The following ADGRA2 variants were observed in gnomAD, a reference collection of about 807,000 sequenced individuals.
The protein encoded by ADGRA2 is G-protein coupled receptor 124.
ADGRA2 carries 61 observed loss-of-function variants against 98.7 expected under a neutral mutation model. That is an observed-to-expected ratio of 0.62 (90% CI 0.50 to 0.76). ADGRA2 has a LOEUF of 0.76. Ranked by LOEUF, ADGRA2 falls within the 30% of genes least tolerant of loss-of-function variation. The probability of loss-of-function intolerance (pLI) is 0.00; values close to 1 mark genes in which losing one functional copy is unlikely to be tolerated. For synonymous variants in ADGRA2, 858 were observed against 831.5 expected (o/e 1.03, Z -0.55); for missense variants, 1,712 against 1,860.0 (o/e 0.92, Z 1.46).
In ADGRA2 at chr8:37,839,524, T is replaced by G. The variant is rs1427226768; in HGVS notation, c.2413T>G (p.Trp805Gly). ...CTCCATCCGTGTGTCCCGGAAAGGC[T>G]GGCACATGCTGCTGAACTTGTGCTT... Reference protein sequence around the residue: ...HSSIRVSRKGWHMLLNLCFHI... With the variant: ...HSSIRVSRKGGHMLLNLCFHI... Residue 805 changes from tryptophan (W) to glycine (G), a missense_variant, in exon 16 of 19, where the codon TGG becomes GGG. By Grantham distance (184) the Trp-to-Gly change is radical. Coordinates refer to ENST00000412232, the MANE Select transcript of ADGRA2 (RefSeq NM_032777.10). 9 of 1,614,062 alleles carry G rather than the reference T, an allele frequency of 5.6e-6. No individual in the cohort carries two copies. Among genetic ancestry groups the G allele is most frequent in the Non-Finnish European group, 6.8e-6 (8 of 1,180,032 alleles).
intron 3 of ADGRA2, 29 bp downstream of exon 3, chr8:37,828,988 C>A: frequency 6.8e-7 from 1 of 1,480,992 alleles, no homozygotes; most frequent in Non-Finnish European, 9.1e-7. Flanking sequence ...CCTGACCCCA[C>A]CCCTCCCCTC....
rs1210217325 is a variant in ADGRA2, at chr8:37,797,595, C to A, written c.266+61C>A. On this transcript the variant is annotated intron_variant, in intron 1 of 18. Transcript: ENST00000412232. This position sits in a 1 kb window ranked among gnomAD's most constrained non-coding sequence, Gnocchi z 5.3. ...GGACTGGGGACGAAGGGAGGCGAGA[C>A]GGGAGGGGTGGGAGCAGGGGGAAGG... 1.3e-6 allele frequency: 1 copy of A among 793,192 alleles called. No homozygotes were observed. Among genetic ancestry groups the A allele is most frequent in the Non-Finnish European group, 1.6e-6 (1 of 614,176 alleles). The allele number at this position is 793,192 out of a possible 1,614,324, so 49.1% of individuals were successfully genotyped here.
At chr8:37,805,312 G>C (rs754665007) in intron 1 of ADGRA2, among the ~76,000 whole-genome samples, 42 of 152,236 alleles carry the variant, frequency 2.8e-4, no homozygotes, top group Non-Finnish European at 5.9e-4. Context: ...CCTGGAGACA[G>C]GTACCAGCTT....
intron 1 of ADGRA2, among the ~76,000 whole-genome samples, chr8:37,798,551 T>A (rs1804410537): frequency 6.6e-6 from 1 of 152,174 alleles, no homozygotes; most frequent in African/African-American, 2.4e-5. Flanking sequence ...ACGCACGCCG[T>A]GGATTTGAGG....
In ADGRA2 at chr8:37,842,972, T is replaced by C. The variant is rs571162913; in HGVS notation, c.*617T>C. On this transcript the variant is annotated 3_prime_UTR_variant, in exon 19 of 19. Coordinates refer to ENST00000412232, the MANE Select transcript of ADGRA2 (RefSeq NM_032777.10). ...ATCAACCAGTCCTGGGGGAGGGGAG[T>C]GGGAACCGGGCACAACTAGGAACAA... 84 of 150,520 alleles carry C rather than the reference T, an allele frequency of 5.6e-4. 1 individual carries two copies. Among genetic ancestry groups the C allele is most frequent in the Non-Finnish European group, 1.2e-3 (78 of 67,600 alleles). The allele number at this position is 150,520 out of a possible 1,614,324, so 9.3% of individuals were successfully genotyped here. A position where few individuals can be genotyped will look rare whatever the true frequency, so the allele number is the denominator to read the frequency against.
chr8:37,824,489 A>ATTTTTT (rs34639785), intron 2 of ADGRA2, among the ~76,000 whole-genome samples: 1 of 114,700 alleles, frequency 8.7e-6, no homozygotes, highest in Non-Finnish European at 1.8e-5. Context: ...CTAAGGTGCA[A>ATTTTTT]TTTTTTTTTT....
At position 37,827,630 on chromosome 8, in the gene ADGRA2, C is replaced by T. The variant is rs28498386; in HGVS notation, c.339-1258C>T. ...GTCCTGTCTCCCGACACTGCGGGCT[C>T]CTGCGGAGACCCATGGAGAAGACAG... is the stretch of plus-strand genomic sequence containing the variant. On this transcript the variant is annotated intron_variant, in intron 2 of 18. Coordinates refer to ENST00000412232, the MANE Select transcript of ADGRA2 (RefSeq NM_032777.10). Among the ~76,000 whole-genome samples the T allele has an allele frequency of 1.9e-3, 288 of 152,322 alleles. 1 individual carries two copies. Among genetic ancestry groups the T allele is most frequent in the African/African-American group, 6.6e-3 (274 of 41,582 alleles).
rs561622364 is a variant in ADGRA2, at chr8:37,833,299, C to T, written c.1296+91C>T. On this transcript the variant is annotated intron_variant, in intron 9 of 18. Transcript: ENST00000412232. ...TAACGGGCAAGGGGAGCCCTATCTC[C>T]GGGCCGCTGGGCTGTGCCTCCTGTT... 3.9e-3 allele frequency: 4,131 copies of T among 1,046,372 alleles called. 16 individuals are homozygous for T. The highest frequency in any genetic ancestry group is 5.1e-3 in the Non-Finnish European group (3,700 of 726,846). The allele number at this position is 1,046,372 out of a possible 1,614,324, so 64.8% of individuals were successfully genotyped here.
rs1389747102 is a variant in ADGRA2, at chr8:37,841,860, C to G, written c.3522C>G (p.Asn1174Lys). 1 of 1,534,608 alleles carries G rather than the reference C, an allele frequency of 6.5e-7. No homozygotes were observed. The highest frequency in any genetic ancestry group is 2.0e-5 in the Admixed American group (1 of 50,922). ...GAAACCTCGCCCACCGCCACCCCAA[C>G]AACGTGCACCACGGGCGTCGGGCGC... ...TRGNLAHRHP[N>K]NVHHGRRAHK... is the part of the protein sequence containing the mutation. The change falls in exon 19 of 19, where the codon AAC (asparagine) becomes AAG (lysine). Residue 1174 changes from asparagine (N) to lysine (K), a missense_variant. Transcript: ENST00000412232. The surrounding 1 kb of genome is among the most constrained non-coding windows in gnomAD (Gnocchi z 5.0).
At position 37,834,097 on chromosome 8, in the gene ADGRA2, C is replaced by T. The variant is rs1163432368; in HGVS notation, c.1577C>T (p.Ala526Val). ...GCCCTGGAGCGCATTGGGGGGGCCG[C>T]CCTCAGCCCCCATGCCCAGCACATC... ...VGALERIGGAALSPHAQHISV... is the reference protein window; with the variant it reads ...VGALERIGGAVLSPHAQHISV... Residue 526 changes from alanine to valine, a missense_variant, in exon 11 of 19, where the codon GCC becomes GTC. Coordinates refer to ENST00000412232, the MANE Select transcript of ADGRA2 (RefSeq NM_032777.10). The surrounding 1 kb of genome is among the most constrained non-coding windows in gnomAD (Gnocchi z 4.2). 1.9e-6 allele frequency: 3 copies of T among 1,612,154 alleles called. No individual in the cohort carries two copies. The highest frequency in any genetic ancestry group is 2.5e-6 in the Non-Finnish European group (3 of 1,179,744).
Position 37,834,147 on chromosome 8 carries a change from G to C in ADGRA2, c.1608+19G>C. 1 of 1,598,160 alleles carries C rather than the reference G, an allele frequency of 6.3e-7. No individual in the cohort carries two copies. The highest frequency in any genetic ancestry group is 8.5e-7 in the Non-Finnish European group (1 of 1,171,820). On this transcript the variant is annotated intron_variant, in intron 11 of 18. Coordinates refer to ENST00000412232, the MANE Select transcript of ADGRA2 (RefSeq NM_032777.10). This position sits in a 1 kb window ranked among gnomAD's most constrained non-coding sequence, Gnocchi z 4.2. ...CTCAGTGGTAATGGGGGTCAGCAGAGGGGGTGGCCCTGGCATGCAGAGGAG... is the reference window on the plus strand; with the variant it reads ...CTCAGTGGTAATGGGGGTCAGCAGACGGGGTGGCCCTGGCATGCAGAGGAG...
Position 37,842,519 on chromosome 8 carries a change from C to G in ADGRA2, c.*164C>G, listed in dbSNP as rs1805839180. 4.2e-6 allele frequency: 5 copies of G among 1,188,298 alleles called. No individual in the cohort carries two copies. Among genetic ancestry groups the G allele is most frequent in the Non-Finnish European group, 5.5e-6 (5 of 905,850 alleles). 73.6% of individuals were successfully genotyped at this position (1,188,298 alleles called of 1,614,324 possible). ...CCCCACTTGCCTAGAGGGCATCCCT[C>G]TGGGGTAGCGACAGACAATCCCAGA... On this transcript the variant is annotated 3_prime_UTR_variant, in exon 19 of 19. Coordinates refer to ENST00000412232, the MANE Select transcript of ADGRA2 (RefSeq NM_032777.10).
chr8:37,838,393 A>G (rs1805683280), intron 14 of ADGRA2, among the ~76,000 whole-genome samples: 1 of 151,908 alleles, frequency 6.6e-6, no homozygotes, highest in Admixed American at 6.6e-5. Flanking sequence ...CTGGGATTAC[A>G]GGCGTGTGCC....
In ADGRA2 at chr8:37,828,880, C is replaced by A. The variant is rs1329257521; in HGVS notation, c.339-8C>A. 1.3e-6 allele frequency: 2 copies of A among 1,597,782 alleles called. No homozygotes were observed. Among genetic ancestry groups the A allele is most frequent in the Non-Finnish European group, 1.7e-6 (2 of 1,173,176 alleles). On this transcript the variant is annotated splice_polypyrimidine_tract_variant and splice_region_variant and intron_variant, in intron 2 of 18. Transcript: ENST00000412232. ...GAGGTGTGAGGGCCTCTGCACTTGC[C>A]TCTGCAGGGACCTGAGGAACAACAT...
In ADGRA2 at chr8:37,841,823, C is replaced by T. The variant is rs1257884306; in HGVS notation, c.3485C>T (p.Ala1162Val). The change falls in exon 19 of 19, where the codon GCG (alanine) becomes GTG (valine). Residue 1162 changes from alanine (A) to valine (V), a missense_variant. Physicochemically the swap from Ala to Val is moderately conservative, Grantham distance 64. Transcript: ENST00000412232. The surrounding 1 kb of genome is among the most constrained non-coding windows in gnomAD (Gnocchi z 5.0). The part of the protein sequence containing the change: ...AAGGEGEPEP[A>V]GTRGNLAHRH... ...GGCGGGGAAGGAGAGCCGGAGCCGG[C>T]GGGCACCCGGGGAAACCTCGCCCAC... 21 of 1,529,776 alleles carry T rather than the reference C, an allele frequency of 1.4e-5. 1 individual carries two copies. Among genetic ancestry groups the T allele is most frequent in the Non-Finnish European group, 1.4e-5 (16 of 1,144,018 alleles). The allele number at this position is 1,529,776 out of a possible 1,614,324, so 94.8% of individuals were successfully genotyped here. A position where few individuals can be genotyped will look rare whatever the true frequency, so the allele number is the denominator to read the frequency against.
chr8:37,817,448 C>T (rs1585383975), intron 2 of ADGRA2, among the ~76,000 whole-genome samples: 3 of 152,240 alleles, frequency 2.0e-5, no homozygotes, highest in Admixed American at 6.5e-5. Flanking sequence ...TGGTGGCTCA[C>T]GCCAGTAATT....
At chr8:37,805,145 T>G (rs1269484493) in intron 1 of ADGRA2, among the ~76,000 whole-genome samples, 2 of 152,222 alleles carry the variant, frequency 1.3e-5, no homozygotes, top group Non-Finnish European at 2.9e-5. Context: ...CCGTTTGGCT[T>G]GGGGAAACCC....
chr8:37,797,351 C>T lies in ADGRA2; in HGVS notation c.83C>T (p.Ala28Val). ...CTGCCGTGGCTCCTGCTGCTCCTGG[C>T]GCCCGAGGCTCGGGGCGCGCCCGGC... ...PLLPWLLLLL[A>V]PEARGAPGCP... Residue 28 changes from alanine (A) to valine (V), a missense_variant, in exon 1 of 19, where the codon GCG becomes GTG. Coordinates refer to ENST00000412232, the MANE Select transcript of ADGRA2 (RefSeq NM_032777.10). The surrounding 1 kb of genome is among the most constrained non-coding windows in gnomAD (Gnocchi z 5.3). The T allele has an allele frequency of 7.1e-7, 1 of 1,403,758 alleles. No individual in the cohort carries two copies. Among genetic ancestry groups the T allele is most frequent in the Non-Finnish European group, 9.2e-7 (1 of 1,081,756 alleles). The allele number at this position is 1,403,758 out of a possible 1,614,324, so 87.0% of individuals were successfully genotyped here.
intron 2 of ADGRA2, among the ~76,000 whole-genome samples, chr8:37,818,319 C>T (rs1170859146): frequency 6.6e-6 from 1 of 152,242 alleles, no homozygotes; most frequent in Non-Finnish European, 1.5e-5. Flanking sequence ...GGTGGCCTCA[C>T]TGACCTCTCC....
Sources: allele counts gnomAD v4.1 joint callset (sites outside exome capture counted in the v4.1 genomes callset), GRCh38; gene constraint gnomAD v4.1.1; non-coding constraint Gnocchi (gnomAD v3.1); transcripts MANE v1.5; gene names NCBI Gene and HGNC (gene_info 2026-07-23, HGNC 2026-07-21).